The following DYRK4 variants were observed in gnomAD, a reference collection of about 807,000 sequenced individuals.
DYRK4 encodes the protein dual specificity tyrosine-phosphorylation-regulated kinase 4.
DYRK4 carries 64 observed loss-of-function variants against 68.3 expected under a neutral mutation model. The ratio of observed to expected loss-of-function variants is 0.94; its 90% CI spans 0.77 to 1.15. The LOEUF (loss-of-function observed/expected upper bound fraction) is 1.15. Among genes scored for constraint, DYRK4 ranks in the 50% most tolerant of loss-of-function variants. The pLI is 0.00. For synonymous variants in DYRK4, 274 were observed against 289.9 expected (o/e 0.95, Z 0.56); for missense variants, 740 against 764.7 (o/e 0.97, Z 0.38).
chr12:4,604,819 G>T, intron 10 of DYRK4, 95 bp from the exon 11 acceptor site: 1 of 1,406,022 alleles, frequency 7.1e-7, no homozygotes, highest in Non-Finnish European at 9.4e-7. Context: ...CACTGCCAGC[G>T]GGGGCGCAGT....
intron 12 of DYRK4, among the ~76,000 whole-genome samples, chr12:4,608,270 G>A (rs1945176822): frequency 6.6e-6 from 1 of 152,164 alleles, no homozygotes; most frequent in African/African-American, 2.4e-5. Context: ...ATGCTACCTG[G>A]AGTGACATTT....
At position 4,602,288 on chromosome 12, in the gene DYRK4, T is replaced by C. The variant is rs981857365; in HGVS notation, c.1126+2500T>C. Reference sequence around the variant, plus strand: ...TTTTGCAACCATGCTTTAAATACTATGCCATTCTCCCTCTTTTTTTCTTCC... The same window carrying C: ...TTTTGCAACCATGCTTTAAATACTACGCCATTCTCCCTCTTTTTTTCTTCC... On this transcript the variant is annotated intron_variant, in intron 10 of 14. Transcript: ENST00000543431. 14 of 1,012,224 alleles carry C rather than the reference T, an allele frequency of 1.4e-5. No homozygotes were observed. In the Admixed American group the frequency reaches 1.4e-4, roughly 10 times the overall value. 62.7% of individuals were successfully genotyped at this position (1,012,224 alleles called of 1,614,324 possible). A position where few individuals can be genotyped will look rare whatever the true frequency, so the allele number is the denominator to read the frequency against.
At chr12:4,592,679 T>G (rs1944969902) in intron 5 of DYRK4, 1 of 192,916 alleles carries the variant, frequency 5.2e-6, no homozygotes, top group Non-Finnish European at 1.1e-5. Flanking sequence ...ACTTGCCACC[T>G]AAACTATATA....
rs745909983 is a variant in DYRK4 at position 4,596,634 on chromosome 12, CAG to C, written c.812_813del (p.Arg271LysfsTer28). 1 of 1,614,118 alleles carries C rather than the reference CAG, an allele frequency of 6.2e-7. No individual in the cohort carries two copies. Among genetic ancestry groups the C allele is most frequent in the Non-Finnish European group, 8.5e-7 (1 of 1,180,014 alleles). ...TGGAGCTGAAGATCCTGGAAGCTCT[CAG>C]AAAGAAGGACAAAGACAACACCTAC... The part of the protein sequence containing the change: ...LMELKILEAL[R>X]KKDKDNTYNV... On this transcript the variant is annotated frameshift_variant, in exon 8 of 15. Coordinates refer to ENST00000543431, the MANE Select transcript of DYRK4 (RefSeq NM_001394779.1). LOFTEE classifies it high-confidence loss of function.
intron 1 of DYRK4, among the ~76,000 whole-genome samples, chr12:4,565,045 G>A (rs997425601): frequency 2.0e-5 from 3 of 152,186 alleles, no homozygotes; most frequent in African/African-American, 7.2e-5. Context: ...CAAACTTTTG[G>A]TTTCAGTTCT....
In DYRK4 at chr12:4,613,836, T is replaced by G; in HGVS notation, c.*83T>G. The stretch of plus-strand genomic sequence containing the variant: ...TTATATTGTACAATACTTCAGACTG[T>G]TTTTTTTAAATACATAAAACTTTAT... On this transcript the variant is annotated 3_prime_UTR_variant, in exon 15 of 15. Coordinates refer to ENST00000543431, the MANE Select transcript of DYRK4 (RefSeq NM_001394779.1). This position sits in a 1 kb window ranked among gnomAD's most constrained non-coding sequence, Gnocchi z 4.0. 7.4e-7 allele frequency: 1 copy of G among 1,359,010 alleles called. No homozygotes were observed. Among genetic ancestry groups the G allele is most frequent in the South Asian group, 2.5e-5 (1 of 39,824 alleles). 84.2% of individuals were successfully genotyped at this position (1,359,010 alleles called of 1,614,324 possible).
At chr12:4,568,151 C>A in intron 2 of DYRK4, 103 bp downstream of exon 2, 1 of 1,098,730 alleles carries the variant, frequency 9.1e-7, no homozygotes, top group Non-Finnish European at 1.3e-6. Context: ...CCTCTGGGTA[C>A]AGCGCAAAGG....
At chr12:4,572,430 C>T (rs1478012553) in intron 2 of DYRK4, among the ~76,000 whole-genome samples, 2 of 151,980 alleles carry the variant, frequency 1.3e-5, no homozygotes, top group East Asian at 3.9e-4. Context: ...TACAGGCGCC[C>T]GCCACCACAC....
intron 2 of DYRK4, among the ~76,000 whole-genome samples, chr12:4,575,595 C>T (rs1944781577): frequency 6.6e-6 from 1 of 152,172 alleles, no homozygotes; most frequent in Admixed American, 6.5e-5. Context: ...AGGCATGAGC[C>T]ACCGTGCCCA....
At chr12:4,596,849 CA>C in intron 8 of DYRK4, 120 bp downstream of exon 8, 1 of 1,538,318 alleles carries the variant, frequency 6.5e-7, no homozygotes, top group African/African-American at 1.4e-5. Context: ...ATGGACATGA[CA>C]GTCACTCAGT....
Position 4,596,548 on chromosome 12 carries a change from TCCCCATTTCCCAC to T in DYRK4, c.765-38_765-26del, listed in dbSNP as rs1945020228. 3.7e-6 allele frequency: 6 copies of T among 1,602,306 alleles called. No individual in the cohort carries two copies. The East Asian group carries it at 1.3e-4, about 36-fold the overall frequency. ...GCGGGACCTGACACTGATGTTTCTA[TCCCCATTTCCCAC>T]CCTGCCGGCCACTCCCAATCACCTT... On this transcript the variant is annotated intron_variant, in intron 7 of 14. Transcript: ENST00000543431.
chr12:4,597,353 G>A (rs528150169), intron 8 of DYRK4, among the ~76,000 whole-genome samples: 47 of 152,352 alleles, frequency 3.1e-4, no homozygotes, highest in African/African-American at 1.1e-3. Flanking sequence ...TCAGGGGTGA[G>A]CTCTCAGAGT....
At chr12:4,572,374 C>T (rs1287074418) in intron 2 of DYRK4, among the ~76,000 whole-genome samples, 8 of 152,240 alleles carry the variant, frequency 5.3e-5, no homozygotes, top group African/African-American at 1.9e-4. Context: ...CTCCACCTCC[C>T]GGGTTCACGC....
At chr12:4,588,559 G>T (rs954718924) in intron 2 of DYRK4, among the ~76,000 whole-genome samples, 2 of 152,160 alleles carry the variant, frequency 1.3e-5, no homozygotes, top group African/African-American at 4.8e-5. Context: ...CACACTCAGG[G>T]CGAAAAGACT....
In DYRK4 at chr12:4,590,459, G is replaced by A. The variant is rs1158138262; in HGVS notation, c.324+19G>A. On this transcript the variant is annotated intron_variant, in intron 4 of 14. Coordinates refer to ENST00000543431, the MANE Select transcript of DYRK4 (RefSeq NM_001394779.1). ...GTATCAGGTGAGTGCAGACGGACTG[G>A]ACCCTGAGAAGGCAGGTGAAAGACC... The A allele has an allele frequency of 1.1e-5, 17 of 1,533,698 alleles. No individual in the cohort carries two copies. The highest frequency in any genetic ancestry group is 1.4e-5 in the Non-Finnish European group (16 of 1,146,144).
Position 4,604,514 on chromosome 12 carries a change from G to C in DYRK4, c.1127-400G>C, listed in dbSNP as rs182550279. On this transcript the variant is annotated intron_variant, in intron 10 of 14. Transcript: ENST00000543431. Reference sequence around the variant, plus strand: ...ACTTTGCATGCTCCCTTTCTAACTTGATATGCTCCCTTTCTAACTTGATAA... The same window carrying C: ...ACTTTGCATGCTCCCTTTCTAACTTCATATGCTCCCTTTCTAACTTGATAA... Among the ~76,000 whole-genome samples the C allele has an allele frequency of 1.8e-3, 271 of 152,216 alleles. 1 individual carries two copies. Among genetic ancestry groups the C allele is most frequent in the African/African-American group, 6.2e-3 (258 of 41,500 alleles).
intron 1 of DYRK4, chr12:4,562,928 C>G: frequency 2.7e-6 from 1 of 367,398 alleles, no homozygotes. Flanking sequence ...TTTTTAAAGG[C>G]TATTCTGTGA....
chr12:4,563,941 A>G lies in DYRK4; in HGVS notation c.38+1658A>G, dbSNP rs978581720. ...TTGAGTGTGAAATGGGTTGCCTAGAAAAACAGTGCACTCTGTCATAGAAAT... is the reference window on the plus strand; with the variant it reads ...TTGAGTGTGAAATGGGTTGCCTAGAGAAACAGTGCACTCTGTCATAGAAAT... On this transcript the variant is annotated intron_variant, in intron 1 of 14. Transcript: ENST00000543431. 5.3e-5 allele frequency among the ~76,000 whole-genome samples: 8 copies of G among 152,348 alleles called. No individual in the cohort carries two copies. The South Asian group carries it at 1.7e-3, about 32-fold the overall frequency.
chr12:4,569,383 G>T (rs1944708885), intron 2 of DYRK4, among the ~76,000 whole-genome samples: 1 of 152,222 alleles, frequency 6.6e-6, no homozygotes, highest in East Asian at 1.9e-4. Flanking sequence ...AACAGTATTG[G>T]TTATGATTTT....
Sources: allele counts gnomAD v4.1 joint callset (sites outside exome capture counted in the v4.1 genomes callset), GRCh38; gene constraint gnomAD v4.1.1; non-coding constraint Gnocchi (gnomAD v3.1); transcripts MANE v1.5; gene names NCBI Gene and HGNC (gene_info 2026-07-23, HGNC 2026-07-21).